The following CYB5R4 variants were observed in gnomAD, a reference collection of about 807,000 sequenced individuals.
CYB5R4 encodes the protein N-terminal cytochrome b5 and cytochrome b5 oxidoreductase domain-containing protein.
In CYB5R4, 55 loss-of-function variants were observed where a neutral mutation model predicts 70.2. That is an observed-to-expected ratio of 0.78 (90% CI 0.63 to 0.98). CYB5R4 has a LOEUF of 0.98. CYB5R4 is among the 50% of genes least tolerant of loss of function. CYB5R4 has a pLI of 0.00. For synonymous variants in CYB5R4, 197 were observed against 199.5 expected (o/e 0.99, Z 0.11); for missense variants, 562 against 612.6 (o/e 0.92, Z 0.87).
chr6:83,911,499 G>C (rs2099464674), intron 4 of CYB5R4, among the ~76,000 whole-genome samples: 1 of 152,032 alleles, frequency 6.6e-6, no homozygotes, highest in Non-Finnish European at 1.5e-5. Context: ...CAACCTTTTG[G>C]AATAAGAAAG....
At chr6:83,954,252 G>A (rs2129145688) in intron 14 of CYB5R4, among the ~76,000 whole-genome samples, 1 of 152,240 alleles carries the variant, frequency 6.6e-6, no homozygotes, top group East Asian at 1.9e-4. Context: ...TCCTGTTCCA[G>A]TTTAAGCTCT....
At chr6:83,925,736 A>G (rs1166938594) in intron 10 of CYB5R4, among the ~76,000 whole-genome samples, 4 of 152,122 alleles carry the variant, frequency 2.6e-5, no homozygotes, top group East Asian at 1.9e-4. Flanking sequence ...CTTGGAAACT[A>G]TTATTGGTTT....
intron 2 of CYB5R4, among the ~76,000 whole-genome samples, chr6:83,878,567 C>T (rs1010664927): frequency 1.3e-5 from 2 of 152,124 alleles, no homozygotes; most frequent in African/African-American, 4.8e-5. Flanking sequence ...AGGATGGTCT[C>T]GATCTCCTGA....
chr6:83,958,287 T>C (rs2099472757), intron 15 of CYB5R4, among the ~76,000 whole-genome samples: 1 of 152,166 alleles, frequency 6.6e-6, no homozygotes, highest in Non-Finnish European at 1.5e-5. Context: ...TATCTAGTGG[T>C]AGAAACAAAT....
intron 5 of CYB5R4, among the ~76,000 whole-genome samples, chr6:83,915,133 T>A (rs2099465300): frequency 6.6e-6 from 1 of 152,166 alleles, no homozygotes; most frequent in Non-Finnish European, 1.5e-5. Context: ...GAGTGGTGCA[T>A]CCAGCCATTC....
chr6:83,898,803 C>T (rs931140468), intron 3 of CYB5R4, among the ~76,000 whole-genome samples: 108 of 152,060 alleles, frequency 7.1e-4, no homozygotes, highest in African/African-American at 2.3e-3. Flanking sequence ...GTGATTTTTG[C>T]ACATTGATTT....
At chr6:83,897,979 C>T (rs2099462191) in intron 3 of CYB5R4, among the ~76,000 whole-genome samples, 1 of 152,144 alleles carries the variant, frequency 6.6e-6, no homozygotes, top group South Asian at 2.1e-4. Context: ...TGCCTATGTC[C>T]TGAATGGTAT....
At chr6:83,874,319 T>C (rs2099458171) in intron 2 of CYB5R4, among the ~76,000 whole-genome samples, 2 of 150,778 alleles carry the variant, frequency 1.3e-5, no homozygotes, top group Admixed American at 6.6e-5. Context: ...GCCTCCAAAG[T>C]AGCTGGAACT....
At chr6:83,905,323 C>T (rs905517818) in intron 3 of CYB5R4, among the ~76,000 whole-genome samples, 4 of 152,188 alleles carry the variant, frequency 2.6e-5, no homozygotes, top group African/African-American at 4.8e-5. Flanking sequence ...TCCCAAAGTG[C>T]GGAGCCACTG....
chr6:83,918,524 TTAAA>T (rs2099465864), intron 6 of CYB5R4, among the ~76,000 whole-genome samples: 1 of 152,024 alleles, frequency 6.6e-6, no homozygotes, highest in Non-Finnish European at 1.5e-5. Context: ...TTCTATGCTG[TTAAA>T]TATTCTGCGA....
intron 4 of CYB5R4, chr6:83,909,977 T>C: frequency 6.5e-7 from 1 of 1,526,996 alleles, no homozygotes; most frequent in Non-Finnish European, 8.9e-7. Flanking sequence ...CTTATATGCA[T>C]TAGTTTTTTA....
chr6:83,956,149 A>G (rs539684056), intron 15 of CYB5R4, among the ~76,000 whole-genome samples: 1 of 152,292 alleles, frequency 6.6e-6, no homozygotes, highest in East Asian at 1.9e-4. Flanking sequence ...ATGTTGATGA[A>G]AAAAGTCAAA....
intron 2 of CYB5R4, among the ~76,000 whole-genome samples, chr6:83,876,153 T>G (rs2129130367): frequency 6.6e-6 from 1 of 152,346 alleles, no homozygotes; most frequent in East Asian, 1.9e-4. Context: ...TGGACAGTTC[T>G]CTAATATAGA....
chr6:83,876,698 AT>A (rs1342225878), intron 2 of CYB5R4, among the ~76,000 whole-genome samples: 5 of 152,000 alleles, frequency 3.3e-5, no homozygotes, highest in Non-Finnish European at 5.9e-5. Flanking sequence ...ATATGTTACT[AT>A]TTTTGCTTTA....
chr6:83,859,757 G>A lies in CYB5R4; in HGVS notation c.-26G>A. 1 of 1,611,008 alleles carries A rather than the reference G, an allele frequency of 6.2e-7. No individual in the cohort carries two copies. Among genetic ancestry groups the A allele is most frequent in the Non-Finnish European group, 8.5e-7 (1 of 1,178,732 alleles). ...TGTCCCGTCTGGCGGCGATCCCCGGGCAGGGCCCGGGGCCGGGGTTTGAAG... is the reference window on the plus strand; with the variant it reads ...TGTCCCGTCTGGCGGCGATCCCCGGACAGGGCCCGGGGCCGGGGTTTGAAG... On this transcript the variant is annotated 5_prime_UTR_variant, in exon 1 of 16. Transcript: ENST00000369681.
chr6:83,934,918 G>A (rs1316571742), intron 11 of CYB5R4, among the ~76,000 whole-genome samples, 183 bp downstream of exon 11: 1 of 152,172 alleles, frequency 6.6e-6, no homozygotes. Flanking sequence ...AACTATAGCT[G>A]TACCACATTA....
intron 14 of CYB5R4, among the ~76,000 whole-genome samples, chr6:83,946,545 A>G (rs1038206680): frequency 6.6e-6 from 1 of 152,188 alleles, no homozygotes; most frequent in African/African-American, 2.4e-5. Context: ...ACTCCTATTC[A>G]ACATAGTATT....
chr6:83,957,382 A>G (rs1040387120), intron 15 of CYB5R4, among the ~76,000 whole-genome samples: 2 of 152,118 alleles, frequency 1.3e-5, no homozygotes, highest in Non-Finnish European at 2.9e-5. Context: ...AAACTTAGGG[A>G]GGCCAAGGCA....
chr6:83,872,190 A>G (rs2099457739), intron 2 of CYB5R4, among the ~76,000 whole-genome samples: 1 of 152,192 alleles, frequency 6.6e-6, no homozygotes, highest in African/African-American at 2.4e-5. Context: ...ATCTTTTTGC[A>G]CATTCAGATG....
Sources: allele counts gnomAD v4.1 joint callset (sites outside exome capture counted in the v4.1 genomes callset), GRCh38; gene constraint gnomAD v4.1.1; transcripts MANE v1.5; gene names NCBI Gene and HGNC (gene_info 2026-07-23, HGNC 2026-07-21).